BNIP3L: variants seen among roughly 807,000 people sequenced by gnomAD.
The protein encoded by BNIP3L is BCL2/adenovirus E1B 19 kDa protein-interacting protein 3-like.
In BNIP3L, 10 loss-of-function variants were observed where a neutral mutation model predicts 25.5. The ratio of observed to expected loss-of-function variants is 0.39; its 90% CI spans 0.24 to 0.67. BNIP3L has a LOEUF of 0.67. Ranked by LOEUF, BNIP3L falls within the 30% of genes least tolerant of loss-of-function variation. BNIP3L has a pLI of 0.45. For synonymous variants in BNIP3L, 113 were observed against 101.2 expected (o/e 1.12, Z -0.70); for missense variants, 215 against 270.9 (o/e 0.79, Z 1.45).
chr8:26,405,650 G>A (rs1316554454), intron 3 of BNIP3L, among the ~76,000 whole-genome samples: 2 of 152,136 alleles, frequency 1.3e-5, no homozygotes, highest in African/African-American at 4.8e-5. Flanking sequence ...GACAGCTTTG[G>A]TCATTCTTTT....
At chr8:26,388,270 T>C (rs943623330) in intron 1 of BNIP3L, among the ~76,000 whole-genome samples, 1 of 152,230 alleles carries the variant, frequency 6.6e-6, no homozygotes, top group Non-Finnish European at 1.5e-5. Context: ...AAAACTTTCT[T>C]AGGGACCTTT....
intron 1 of BNIP3L, among the ~76,000 whole-genome samples, chr8:26,386,885 T>A (rs1806004285): frequency 6.6e-6 from 1 of 150,376 alleles, no homozygotes; most frequent in African/African-American, 2.5e-5. Flanking sequence ...TTCAAAAATT[T>A]ATTTATTTAT....
In BNIP3L at chr8:26,383,245, G is replaced by A. The variant is rs1159562654; in HGVS notation, c.100+15G>A. ...CGGCCTCAACAGTGAGTGCGGGGCC[G>A]AGGCTCTGTGAAGGGGATGGGGGAG... On this transcript the variant is annotated intron_variant, in intron 1 of 5. Transcript: ENST00000380629. 1.9e-6 allele frequency: 3 copies of A among 1,599,048 alleles called. No individual in the cohort carries two copies. The highest frequency in any genetic ancestry group is 1.3e-5 in the African/African-American group (1 of 74,744).
chr8:26,407,445 C>G (rs1806526502), intron 3 of BNIP3L, among the ~76,000 whole-genome samples: 1 of 152,062 alleles, frequency 6.6e-6, no homozygotes, highest in African/African-American at 2.4e-5. Context: ...CTCGGCCTCC[C>G]AAAGTGCTGG....
chr8:26,390,481 C>G (rs1563338107), intron 1 of BNIP3L: 52 of 985,026 alleles, frequency 5.3e-5, no homozygotes, highest in Non-Finnish European at 6.1e-5. Context: ...AAAGTAGAAA[C>G]CCGTGGGAGA....
At chr8:26,389,093 A>G (rs1806052365) in intron 1 of BNIP3L, among the ~76,000 whole-genome samples, 2 of 152,096 alleles carry the variant, frequency 1.3e-5, no homozygotes, top group African/African-American at 4.8e-5. Context: ...TTTAGGGAAG[A>G]CTGACTTCCA....
chr8:26,387,107 C>G (rs888067124), intron 1 of BNIP3L, among the ~76,000 whole-genome samples: 2 of 152,096 alleles, frequency 1.3e-5, no homozygotes, highest in Non-Finnish European at 2.9e-5. Flanking sequence ...CTCCCCTTGT[C>G]CCAAAGCTCC....
intron 2 of BNIP3L, among the ~76,000 whole-genome samples, chr8:26,393,048 T>C (rs1250729262): frequency 6.6e-6 from 1 of 152,026 alleles, no homozygotes; most frequent in African/African-American, 2.4e-5. Flanking sequence ...CCTCATCTTA[T>C]GTCTCTCCAG....
chr8:26,410,173 A>C (rs1806590339), intron 5 of BNIP3L, among the ~76,000 whole-genome samples, 191 bp from the exon 6 acceptor site: 1 of 152,172 alleles, frequency 6.6e-6, no homozygotes, highest in South Asian at 2.1e-4. Flanking sequence ...CTCATATAAA[A>C]CCAGTTTGGC....
At chr8:26,383,259 G>C (rs374250916) in intron 1 of BNIP3L, 29 bp downstream of exon 1, 33 of 1,591,270 alleles carry the variant, frequency 2.1e-5, no homozygotes, top group Non-Finnish European at 2.6e-5. Flanking sequence ...CTCTGTGAAG[G>C]GGATGGGGGA....
rs142728847 is a variant in BNIP3L, at chr8:26,406,116, A to G, written c.358-1884A>G. 1.4e-4 allele frequency among the ~76,000 whole-genome samples: 21 copies of G among 152,356 alleles called. No homozygotes were observed. The East Asian group carries it at 3.9e-3, about 28-fold the overall frequency. On this transcript the variant is annotated intron_variant, in intron 3 of 5. Transcript: ENST00000380629. ...GGACTTTTTCATTCCTTTTGGTTCT[A>G]TTAAAAGGGGAGCTATTGGAAATGT...
At chr8:26,396,630 T>C (rs1275359081) in intron 3 of BNIP3L, among the ~76,000 whole-genome samples, 2 of 150,988 alleles carry the variant, frequency 1.3e-5, no homozygotes, top group African/African-American at 4.9e-5. Flanking sequence ...TGGAGAATGA[T>C]TTTGACGAGC....
chr8:26,402,809 C>T (rs1314225314), intron 3 of BNIP3L, among the ~76,000 whole-genome samples: 1 of 152,112 alleles, frequency 6.6e-6, no homozygotes, highest in Non-Finnish European at 1.5e-5. Flanking sequence ...CCAAATGTTT[C>T]CCAAGCTTAT....
At chr8:26,389,213 G>A (rs940965755) in intron 1 of BNIP3L, among the ~76,000 whole-genome samples, 1 of 151,942 alleles carries the variant, frequency 6.6e-6, no homozygotes, top group Middle Eastern at 3.2e-3. Context: ...AGAAGAACTG[G>A]TCCCATTGGT....
At chr8:26,388,807 CTAAA>C (rs3837185) in intron 1 of BNIP3L, among the ~76,000 whole-genome samples, 165 of 143,948 alleles carry the variant, frequency 1.1e-3, no homozygotes, top group Middle Eastern at 7.0e-3. Flanking sequence ...CCTGTCTCTA[CTAAA>C]TAAATAAATA....
chr8:26,407,184 TTTG>T (rs1806520146), intron 3 of BNIP3L, among the ~76,000 whole-genome samples: 1 of 151,046 alleles, frequency 6.6e-6, no homozygotes, highest in Non-Finnish European at 1.5e-5. Context: ...TTTTTTTTGT[TTTG>T]TTTTGTTTTG....
chr8:26,410,972 T>A lies in BNIP3L; in HGVS notation c.*560T>A, dbSNP rs1272098971. 6.6e-6 allele frequency: 1 copy of A among 151,140 alleles called. No homozygotes were observed. The highest frequency in any genetic ancestry group is 1.5e-5 in the Non-Finnish European group (1 of 67,898). 9.4% of individuals were successfully genotyped at this position (151,140 alleles called of 1,614,324 possible). A position where few individuals can be genotyped will look rare whatever the true frequency, so the allele number is the denominator to read the frequency against. ...CACAACAAAAAAATATCCTGGGCAA[T>A]AAAAAAAATATTTTAAACCAGCTTT... On this transcript the variant is annotated 3_prime_UTR_variant, in exon 6 of 6. Coordinates refer to ENST00000380629, the MANE Select transcript of BNIP3L (RefSeq NM_004331.3).
At chr8:26,390,606 C>CT (rs1367449792) in intron 1 of BNIP3L, 3 of 947,002 alleles carry the variant, frequency 3.2e-6, no homozygotes, top group Admixed American at 1.2e-4. Flanking sequence ...AGAGATAAAG[C>CT]TTTTTTCTGA....
chr8:26,383,255 G>A, intron 1 of BNIP3L, 25 bp downstream of exon 1: 2 of 1,593,684 alleles, frequency 1.3e-6, no homozygotes, highest in Non-Finnish European at 1.7e-6. Context: ...GAGGCTCTGT[G>A]AAGGGGATGG....
Sources: gnomAD v4.1 joint callset for allele counts (sites outside exome capture counted in the v4.1 genomes callset) on GRCh38, gnomAD v4.1.1 for gene constraint, MANE v1.5 for transcripts, NCBI Gene and HGNC (gene_info 2026-07-23, HGNC 2026-07-21) for gene names.